ELOVL6: variants seen among roughly 807,000 people sequenced by gnomAD.
ELOVL6 encodes ELOVL fatty acid elongase 6.
ELOVL6 carries 8 observed loss-of-function variants against 31.7 expected under a neutral mutation model. The observed-to-expected ratio is 0.25, with a 90% CI of 0.15 to 0.45. The LOEUF (loss-of-function observed/expected upper bound fraction) is 0.45, where lower values mean the gene tolerates loss of function less well. ELOVL6 is among the 20% of genes least tolerant of loss of function. ELOVL6 has a pLI of 1.00. For synonymous variants in ELOVL6, 101 were observed against 117.7 expected (o/e 0.86, Z 0.92); for missense variants, 126 against 326.4 (o/e 0.39, Z 4.73).
intron 2 of ELOVL6, among the ~76,000 whole-genome samples, chr4:110,062,052 G>C (rs1425556165): frequency 6.6e-6 from 1 of 152,172 alleles, no homozygotes; most frequent in East Asian, 1.9e-4. Flanking sequence ...AGATGATGGA[G>C]TGAAAAAAAA....
At chr4:110,108,400 C>T (rs1399762823) in intron 1 of ELOVL6, among the ~76,000 whole-genome samples, 1 of 152,142 alleles carries the variant, frequency 6.6e-6, no homozygotes, top group African/African-American at 2.4e-5. Context: ...AAAAAATCTT[C>T]CCTATGTATT....
At chr4:110,123,903 T>C (rs945880083) in intron 1 of ELOVL6, among the ~76,000 whole-genome samples, 6 of 152,132 alleles carry the variant, frequency 3.9e-5, no homozygotes, top group Non-Finnish European at 8.8e-5. Flanking sequence ...CAGGAAAAAA[T>C]GAGCATGAAA....
At chr4:110,076,309 A>C (rs926776873) in intron 2 of ELOVL6, among the ~76,000 whole-genome samples, 1 of 152,250 alleles carries the variant, frequency 6.6e-6, no homozygotes, top group African/African-American at 2.4e-5. Flanking sequence ...GTGCAGCTGA[A>C]ACCAGAACTA....
At chr4:110,096,054 C>A (rs1311988246) in intron 2 of ELOVL6, among the ~76,000 whole-genome samples, 3 of 152,080 alleles carry the variant, frequency 2.0e-5, no homozygotes, top group Admixed American at 6.6e-5. Flanking sequence ...AGAGGTCAAT[C>A]CTAAAAATAA....
intron 2 of ELOVL6, among the ~76,000 whole-genome samples, chr4:110,060,401 C>T (rs115890793): frequency 2.2e-4 from 33 of 152,270 alleles, no homozygotes; most frequent in African/African-American, 6.7e-4. Context: ...TCCCTGAGCT[C>T]CCTAGAACCA....
intron 1 of ELOVL6, among the ~76,000 whole-genome samples, chr4:110,195,194 T>C (rs1259240186): frequency 6.6e-6 from 1 of 152,142 alleles, no homozygotes; most frequent in African/African-American, 2.4e-5. Context: ...AACTAAAAGC[T>C]TTAATTTGAA....
rs200825109 is a variant in ELOVL6 at position 110,173,711 on chromosome 4, T to G, written c.89+24536A>C. Among the ~76,000 whole-genome samples, 5 of 149,288 alleles carry G rather than the reference T, an allele frequency of 3.3e-5. No homozygotes were observed. In the East Asian group the frequency reaches 9.9e-4, roughly 29 times the overall value. ...AATAATAATAATAATAATAAATTCC[T>G]CGATCAACTGATTGGTCCTACTGCT... is the stretch of plus-strand genomic sequence containing the variant. On this transcript the variant is annotated intron_variant, in intron 1 of 3. Transcript: ENST00000302274.
At chr4:110,169,113 C>T (rs1758864224) in intron 1 of ELOVL6, among the ~76,000 whole-genome samples, 1 of 152,078 alleles carries the variant, frequency 6.6e-6, no homozygotes, top group Admixed American at 6.6e-5. Flanking sequence ...AGGTGTATGC[C>T]ACCACACCTG....
At chr4:110,081,676 G>A (rs1428661335) in intron 2 of ELOVL6, among the ~76,000 whole-genome samples, 3 of 151,100 alleles carry the variant, frequency 2.0e-5, no homozygotes, top group Non-Finnish European at 1.5e-5. Flanking sequence ...TCAGGACATA[G>A]GCATGGGCAA....
At chr4:110,155,506 A>G (rs1758390304) in intron 1 of ELOVL6, among the ~76,000 whole-genome samples, 2 of 152,190 alleles carry the variant, frequency 1.3e-5, no homozygotes, top group South Asian at 4.1e-4. Context: ...TACAAAATCA[A>G]AGTTTAACAA....
At chr4:110,104,981 C>A (rs1033001432) in intron 2 of ELOVL6, among the ~76,000 whole-genome samples, 3 of 152,098 alleles carry the variant, frequency 2.0e-5, no homozygotes, top group African/African-American at 7.2e-5. Context: ...CAAGTCAGTT[C>A]GGGGAATGAG....
intron 1 of ELOVL6, among the ~76,000 whole-genome samples, chr4:110,146,116 A>C (rs1758102940): frequency 6.6e-6 from 1 of 152,244 alleles, no homozygotes; most frequent in African/African-American, 2.4e-5. Flanking sequence ...ATAGTAATCA[A>C]AACAGCATGG....
At chr4:110,117,211 T>C (rs565843563) in intron 1 of ELOVL6, among the ~76,000 whole-genome samples, 3 of 152,230 alleles carry the variant, frequency 2.0e-5, no homozygotes, top group African/African-American at 4.8e-5. Context: ...CAACCAAAAA[T>C]TATCCAGCCC....
chr4:110,155,049 A>G (rs1758375775), intron 1 of ELOVL6, among the ~76,000 whole-genome samples: 1 of 152,214 alleles, frequency 6.6e-6, no homozygotes, highest in South Asian at 2.1e-4. Flanking sequence ...AATATATTGT[A>G]CTATACAATC....
chr4:110,081,853 G>T (rs925293427), intron 2 of ELOVL6, among the ~76,000 whole-genome samples: 3 of 148,138 alleles, frequency 2.0e-5, no homozygotes, highest in African/African-American at 7.4e-5. Context: ...ATCTGACAAA[G>T]GGTTAATACC....
intron 1 of ELOVL6, among the ~76,000 whole-genome samples, chr4:110,168,940 T>C (rs937232157): frequency 6.6e-6 from 1 of 151,726 alleles, no homozygotes; most frequent in Non-Finnish European, 1.5e-5. Flanking sequence ...AATATCCTTA[T>C]TAAACGTCCA....
At chr4:110,120,120 A>G (rs184926273) in intron 1 of ELOVL6, among the ~76,000 whole-genome samples, 79 of 152,286 alleles carry the variant, frequency 5.2e-4, no homozygotes, top group Non-Finnish European at 1.3e-4. Flanking sequence ...ATGCCCTTTG[A>G]GAATGCATTA....
At chr4:110,066,637 C>CAACAA (rs1755312367) in intron 2 of ELOVL6, among the ~76,000 whole-genome samples, 2 of 56,556 alleles carry the variant, frequency 3.5e-5, no homozygotes, top group Admixed American at 2.2e-4. Context: ...TCTGTCTCAA[C>CAACAA]AAAAAAAAAA....
At chr4:110,104,305 T>C (rs917458678) in intron 2 of ELOVL6, among the ~76,000 whole-genome samples, 13 of 152,212 alleles carry the variant, frequency 8.5e-5, no homozygotes, top group African/African-American at 3.1e-4. Flanking sequence ...TAGAGAATCA[T>C]GATCTGATAC....
Sources: gnomAD v4.1 joint callset for allele counts (sites outside exome capture counted in the v4.1 genomes callset) on GRCh38, gnomAD v4.1.1 for gene constraint, MANE v1.5 for transcripts, NCBI Gene and HGNC (gene_info 2026-07-23, HGNC 2026-07-21) for gene names.